The following GOLGA3 variants were observed in gnomAD, a reference collection of about 807,000 sequenced individuals.
GOLGA3 encodes the protein golgin subfamily A member 3.
GOLGA3 carries 75 observed loss-of-function variants against 169.4 expected under a neutral mutation model. The observed-to-expected ratio is 0.44, with a 90% CI of 0.37 to 0.54. The LOEUF (loss-of-function observed/expected upper bound fraction) is 0.54, where lower values mean the gene tolerates loss of function less well. Ranked by LOEUF, GOLGA3 falls within the 20% of genes least tolerant of loss-of-function variation. The probability of loss-of-function intolerance (pLI) is 0.00; values close to 1 mark genes in which losing one functional copy is unlikely to be tolerated. For missense variants in GOLGA3, 1,899 were observed against 1,930.0 expected, an observed-to-expected ratio of 0.98 and a Z score of 0.30; for synonymous variants, 824 against 822.4, an observed-to-expected ratio of 1.00 and a Z score of -0.03.
rs1263032775 is a variant in GOLGA3, at chr12:132,787,796, G to A, written c.2812-1009C>T. Among the ~76,000 whole-genome samples, 18 of 49,866 alleles carry A rather than the reference G, an allele frequency of 3.6e-4. 7 individuals are homozygous for A. Among genetic ancestry groups the A allele is most frequent in the African/African-American group, 8.5e-4 (10 of 11,746 alleles). 32.7% of individuals were successfully genotyped at this position (49,866 alleles called of 152,430 possible). The stretch of plus-strand genomic sequence containing the variant: ...CACGGGACCCCTCCCCGGAGACCAC[G>A]GGACCCCTCCCCGGAGACCCCGGGA... On this transcript the variant is annotated intron_variant, in intron 13 of 23. Coordinates refer to ENST00000450791, the MANE Select transcript of GOLGA3 (RefSeq NM_001389683.1).
At chr12:132,787,716 TCCCCGGAGACCCCGGGACCCC>T (rs2045986077) in intron 13 of GOLGA3, among the ~76,000 whole-genome samples, 3 of 21,928 alleles carry the variant, frequency 1.4e-4, no homozygotes, top group Admixed American at 3.7e-4. Context: ...CCGGGACCCC[TCCCCGGAGACCCCGGGACCCC>T]TCCCCGGAGA....
At position 132,777,152 on chromosome 12, in the gene GOLGA3, C is replaced by T. The variant is rs927493296; in HGVS notation, c.3723-62G>A. The T allele has an allele frequency of 1.6e-5, 25 of 1,517,430 alleles. No homozygotes were observed. The East Asian group carries it at 3.4e-4, about 21-fold the overall frequency. 94.0% of individuals were successfully genotyped at this position (1,517,430 alleles called of 1,614,324 possible). The stretch of plus-strand genomic sequence containing the variant: ...GCTCCTCCAGTGTGCTGTGCCCTCC[C>T]GCTGGGAAATGCTGCCTGTGGAAGG... On this transcript the variant is annotated intron_variant, in intron 19 of 23. Coordinates refer to ENST00000450791, the MANE Select transcript of GOLGA3 (RefSeq NM_001389683.1). The surrounding 1 kb of genome is among the most constrained non-coding windows in gnomAD (Gnocchi z 4.7).
chr12:132,801,825 T>C lies in GOLGA3; in HGVS notation c.1742A>G (p.Gln581Arg). 6.2e-7 allele frequency: 1 copy of C among 1,610,146 alleles called. No homozygotes were observed. The highest frequency in any genetic ancestry group is 8.5e-7 in the Non-Finnish European group (1 of 1,180,006). ...LQSVRQWYQQ[Q>R]LALAQEARVR... ...GCGGGCCTCCTGTGCCAGGGCGAGCTGCTGCTGGTACCACTGCCGGACACT... is the reference window on the plus strand; with the variant it reads ...GCGGGCCTCCTGTGCCAGGGCGAGCCGCTGCTGGTACCACTGCCGGACACT... The change falls in exon 8 of 24, where the codon CAG becomes CGG. Residue 581 changes from glutamine to arginine, a missense_variant. Physicochemically the swap from Gln to Arg is conservative, Grantham distance 43. Coordinates refer to ENST00000450791, the MANE Select transcript of GOLGA3 (RefSeq NM_001389683.1).
intron 20 of GOLGA3, 36 bp downstream of exon 20, chr12:132,776,922 T>C (rs2136264775): frequency 6.4e-7 from 1 of 1,556,954 alleles, no homozygotes; most frequent in East Asian, 2.2e-5. Context: ...CACCCGTGAG[T>C]CCAGCCCTGC....
chr12:132,780,153 TCAC>T (rs1213092161), intron 18 of GOLGA3, among the ~76,000 whole-genome samples: 2 of 119,134 alleles, frequency 1.7e-5, no homozygotes, highest in Non-Finnish European at 3.5e-5. Context: ...TGTACAGACA[TCAC>T]AACACTTGCA....
chr12:132,810,080 T>C (rs902942631), intron 4 of GOLGA3, among the ~76,000 whole-genome samples: 23 of 152,114 alleles, frequency 1.5e-4, no homozygotes, highest in African/African-American at 2.7e-4. Context: ...CCCCCGTCTC[T>C]ACTAAAAATA....
chr12:132,800,428 A>G (rs1171103870), intron 8 of GOLGA3, among the ~76,000 whole-genome samples: 1 of 152,050 alleles, frequency 6.6e-6, no homozygotes, highest in Non-Finnish European at 1.5e-5. Flanking sequence ...CAGGAGACAG[A>G]GGTTGCAGTG....
chr12:132,769,205 G>A lies in GOLGA3; in HGVS notation c.*3900C>T, dbSNP rs1041943625. On this transcript the variant is annotated 3_prime_UTR_variant, in exon 24 of 24. Transcript: ENST00000450791. ...CTGGACCTTCCGGTCAGTGAGCTCA[G>A]AACACCTCACACCACAGCGTCACTC... 7.2e-5 allele frequency: 11 copies of A among 152,218 alleles called. No individual in the cohort carries two copies. Among genetic ancestry groups the A allele is most frequent in the African/African-American group, 2.4e-4 (10 of 41,462 alleles). 9.4% of individuals were successfully genotyped at this position (152,218 alleles called of 1,614,324 possible).
intron 3 of GOLGA3, among the ~76,000 whole-genome samples, chr12:132,815,579 A>G (rs1949919477): frequency 1.3e-5 from 2 of 152,184 alleles, no homozygotes; most frequent in Admixed American, 6.5e-5. Context: ...TGTTGTTGTT[A>G]TTTAGTTTTA....
At chr12:132,813,476 C>G (rs866315486) in intron 3 of GOLGA3, 57 bp from the exon 4 acceptor site, 4 of 938,096 alleles carry the variant, frequency 4.3e-6, no homozygotes, top group Non-Finnish European at 1.7e-6. Flanking sequence ...GCAGAACAAT[C>G]AGGCACAAGA....
chr12:132,796,057 C>T lies in GOLGA3; in HGVS notation c.2264G>A (p.Gly755Glu), dbSNP rs747640894. 1 of 1,612,718 alleles carries T rather than the reference C, an allele frequency of 6.2e-7. No individual in the cohort carries two copies. Among genetic ancestry groups the T allele is most frequent in the Non-Finnish European group, 8.5e-7 (1 of 1,179,948 alleles). The change falls in exon 11 of 24, where the codon GGG (glycine) becomes GAG (glutamate). Residue 755 changes from glycine (G) to glutamate (E), a missense_variant. Coordinates refer to ENST00000450791, the MANE Select transcript of GOLGA3 (RefSeq NM_001389683.1). ...GGAGGCGGCCTCGCCCTGCAGCTCC[C>T]CCAGCCTGGCCTGCAGCTCATCGTA... The part of the protein sequence containing the change: ...THYDELQARL[G>E]ELQGEAASRE...
chr12:132,811,946 G>A (rs527894102), intron 4 of GOLGA3: 1 of 165,456 alleles, frequency 6.0e-6, no homozygotes, highest in South Asian at 2.1e-4. Context: ...GGGAGGTGGA[G>A]GTTGCAGTGA....
rs972812887 is a variant in GOLGA3, at chr12:132,804,865, G to T, written c.1448C>A (p.Ala483Asp). 51 of 1,613,984 alleles carry T rather than the reference G, an allele frequency of 3.2e-5. No homozygotes were observed. Among genetic ancestry groups the T allele is most frequent in the Non-Finnish European group, 4.0e-5 (47 of 1,180,028 alleles). Reference protein sequence around the residue: ...LKQSCWDLERAMTDLQNMLEA... With the variant: ...LKQSCWDLERDMTDLQNMLEA... ...CAGCATGTTCTGCAGGTCAGTCATG[G>T]CTCGCTCCAGGTCCCAGCACGACTG... Residue 483 changes from alanine (A) to aspartate (D), a missense_variant, in exon 7 of 24, where the codon GCC (alanine) becomes GAC (aspartate). Ala to Asp is a moderately radical substitution (Grantham distance 126). Coordinates refer to ENST00000450791, the MANE Select transcript of GOLGA3 (RefSeq NM_001389683.1). The surrounding 1 kb of genome is among the most constrained non-coding windows in gnomAD (Gnocchi z 4.1).
At chr12:132,787,564 T>C (rs1304389531) in intron 13 of GOLGA3, among the ~76,000 whole-genome samples, 27 of 48,752 alleles carry the variant, frequency 5.5e-4, no homozygotes, top group Admixed American at 9.1e-4. Context: ...CCAGGACCCT[T>C]CCTGAGACCC....
chr12:132,787,498 C>A (rs1440922772), intron 13 of GOLGA3, among the ~76,000 whole-genome samples: 37 of 146,060 alleles, frequency 2.5e-4, no homozygotes, highest in Non-Finnish European at 4.5e-4. Flanking sequence ...CGGGAACCCT[C>A]CCCACAAGCC....
chr12:132,814,478 T>C (rs1949868500), intron 3 of GOLGA3, among the ~76,000 whole-genome samples: 1 of 152,160 alleles, frequency 6.6e-6, no homozygotes, highest in Admixed American at 6.5e-5. Flanking sequence ...GCCGGCACCG[T>C]GGAGTTACAG....
At chr12:132,820,935 A>T (rs528650902) in intron 2 of GOLGA3, among the ~76,000 whole-genome samples, 33 of 151,998 alleles carry the variant, frequency 2.2e-4, no homozygotes, top group African/African-American at 7.5e-4. Flanking sequence ...CCCCGTCTCT[A>T]CTAAAAATAC....
intron 5 of GOLGA3, 134 bp downstream of exon 5, chr12:132,807,757 T>TA: frequency 7.2e-6 from 4 of 554,484 alleles, no homozygotes; most frequent in East Asian, 3.4e-5. Flanking sequence ...CCTGCCCGTC[T>TA]CTGCCCACCC....
Position 132,782,412 on chromosome 12 carries a change from C to T in GOLGA3, c.3349G>A (p.Glu1117Lys), listed in dbSNP as rs151069773. 1.2e-5 allele frequency: 20 copies of T among 1,613,988 alleles called. No individual in the cohort carries two copies. In the African/African-American group the frequency reaches 1.6e-4, roughly 13 times the overall value. The part of the protein sequence containing the change: ...NKKLALELEH[E>K]KGKLTGLGQS... ...CCGAGGCCCGTAAGCTTCCCTTTCT[C>T]GTGCTCTAATTCAAGAGCCAACTTC... The change falls in exon 17 of 24, where the codon GAG becomes AAG. Residue 1117 changes from glutamate (E) to lysine (K), a missense_variant. Coordinates refer to ENST00000450791, the MANE Select transcript of GOLGA3 (RefSeq NM_001389683.1).
Sources: allele counts gnomAD v4.1 joint callset (sites outside exome capture counted in the v4.1 genomes callset), GRCh38; gene constraint gnomAD v4.1.1; non-coding constraint Gnocchi (gnomAD v3.1); transcripts MANE v1.5; gene names NCBI Gene and HGNC (gene_info 2026-07-23, HGNC 2026-07-21).